Variants in BTRC observed in about 807,000 individuals in gnomAD.
The protein encoded by BTRC is F-box/WD repeat-containing protein 1A.
BTRC carries 42 observed loss-of-function variants against 85.5 expected under a neutral mutation model. That is an observed-to-expected ratio of 0.49 (90% CI 0.38 to 0.64). The LOEUF is 0.64. Ranked by LOEUF, BTRC falls within the 30% of genes least tolerant of loss-of-function variation. BTRC has a pLI of 0.00. For missense variants in BTRC, 594 were observed against 743.5 expected (o/e 0.80, Z 2.34); for synonymous variants, 255 against 263.3 (o/e 0.97, Z 0.30).
At position 101,430,339 on chromosome 10, in the gene BTRC, C is replaced by G. The variant is rs1161022457; in HGVS notation, c.49-6C>G. ...GTCCCATCTCATAGTTGTCCTCTCT[C>G]TGCAGTGCTCTATGCCCAGGTCTCT... On this transcript the variant is annotated splice_region_variant and splice_polypyrimidine_tract_variant and intron_variant, in intron 1 of 14. Coordinates refer to ENST00000370187, the MANE Select transcript of BTRC (RefSeq NM_033637.4). 1 of 1,609,322 alleles carries G rather than the reference C, an allele frequency of 6.2e-7. No homozygotes were observed.
intron 1 of BTRC, among the ~76,000 whole-genome samples, chr10:101,423,196 G>A (rs1405983177): frequency 6.6e-6 from 1 of 152,104 alleles, no homozygotes; most frequent in Non-Finnish European, 1.5e-5. Context: ...TTATACACAT[G>A]AGCCACCTTG....
intron 2 of BTRC, among the ~76,000 whole-genome samples, chr10:101,443,376 A>G (rs999555885): frequency 3.5e-4 from 53 of 152,296 alleles, no homozygotes; most frequent in African/African-American, 1.2e-3. Context: ...ACTGAGGACA[A>G]CTCAACATGA....
intron 2 of BTRC, among the ~76,000 whole-genome samples, chr10:101,449,757 G>T (rs4244343): frequency 0.97 from 147,492 of 152,146 alleles, 71,660 homozygotes; most frequent in East Asian, 1. Flanking sequence ...TTTGCCTTGC[G>T]TATTTCTCTA....
intron 1 of BTRC, among the ~76,000 whole-genome samples, chr10:101,402,200 G>T (rs1021267186): frequency 3.3e-5 from 5 of 152,050 alleles, no homozygotes; most frequent in Non-Finnish European, 7.3e-5. Context: ...ATGTGAGGAG[G>T]TTATGTTTTT....
chr10:101,482,393 C>CTTTTTTTTT (rs55978440), intron 4 of BTRC, among the ~76,000 whole-genome samples: 4 of 99,814 alleles, frequency 4.0e-5, no homozygotes, highest in Non-Finnish European at 8.3e-5. Context: ...TTGTTTGTTT[C>CTTTTTTTTT]TTTTTTTTTT....
intron 1 of BTRC, among the ~76,000 whole-genome samples, chr10:101,391,583 A>T (rs1297084737): frequency 3.3e-5 from 5 of 152,220 alleles, no homozygotes; most frequent in African/African-American, 1.2e-4. Flanking sequence ...GACTCTTTAT[A>T]AAAATGGCAA....
rs372408026 is a variant in BTRC, at chr10:101,550,834, C to T, written c.1792C>T (p.Arg598Ter). 13 of 1,613,884 alleles carry T rather than the reference C, an allele frequency of 8.1e-6. No individual in the cohort carries two copies. The highest frequency in any genetic ancestry group is 3.3e-5 in the Admixed American group (2 of 60,000). Residue 598 changes from arginine to a stop codon, truncating the protein, a stop_gained, in exon 14 of 15, where the codon CGA (arginine) becomes TGA (stop). Transcript: ENST00000370187. LOFTEE classifies it high-confidence loss of function. ...AGCTGAACCCCCCCGTTCCCCTTCTCGAACATACACCTACATCTCCAGATA... is the reference window on the plus strand; with the variant it reads ...AGCTGAACCCCCCCGTTCCCCTTCTTGAACATACACCTACATCTCCAGATA... ...AQAEPPRSPS[R>*]TYTYISR
chr10:101,404,031 T>TATATATATATA (rs1472677968), intron 1 of BTRC, among the ~76,000 whole-genome samples: 1 of 12,144 alleles, frequency 8.2e-5, no homozygotes, highest in African/African-American at 4.1e-4. Context: ...TATATATATA[T>TATATATATATA]TTTTTTTTTT....
At chr10:101,550,662 G>A (rs1290583300) in intron 13 of BTRC, 37 bp from the exon 14 acceptor site, 1 of 1,596,092 alleles carries the variant, frequency 6.3e-7, no homozygotes, top group South Asian at 1.1e-5. Flanking sequence ...ATTTTGAGTA[G>A]TTCAAGTTCC....
chr10:101,434,449 A>T (rs1209882140), intron 2 of BTRC, among the ~76,000 whole-genome samples: 1 of 152,220 alleles, frequency 6.6e-6, no homozygotes, highest in Non-Finnish European at 1.5e-5. Flanking sequence ...GAAATGGATC[A>T]TAGACCTAAA....
At chr10:101,470,920 A>G (rs1054612019) in intron 3 of BTRC, among the ~76,000 whole-genome samples, 5 of 152,278 alleles carry the variant, frequency 3.3e-5, no homozygotes, top group South Asian at 2.1e-4. Context: ...CCATTTAGTT[A>G]TATAAGAGTT....
At chr10:101,415,252 T>A (rs1261713860) in intron 1 of BTRC, among the ~76,000 whole-genome samples, 1 of 151,106 alleles carries the variant, frequency 6.6e-6, no homozygotes, top group East Asian at 1.9e-4. Flanking sequence ...CTCGGCTTAC[T>A]TCAGCCTCCA....
At chr10:101,499,357 G>A (rs905755368) in intron 4 of BTRC, among the ~76,000 whole-genome samples, 6 of 151,884 alleles carry the variant, frequency 4.0e-5, no homozygotes, top group African/African-American at 9.7e-5. Context: ...GTGAGTAGCC[G>A]GGATTATAGG....
At chr10:101,525,324 AT>A (rs1018753699) in intron 5 of BTRC, among the ~76,000 whole-genome samples, 23 of 151,902 alleles carry the variant, frequency 1.5e-4, no homozygotes, top group Admixed American at 7.2e-4. Flanking sequence ...TTGGTCTGGA[AT>A]TTTTTTTCAT....
At chr10:101,453,703 C>T (rs2134146556) in intron 2 of BTRC, 1 of 152,316 alleles carries the variant, frequency 6.6e-6, no homozygotes, top group South Asian at 2.1e-4. Context: ...AAGCCACTTA[C>T]TAGGTCATGG....
chr10:101,506,406 TG>T (rs771204419), intron 4 of BTRC, among the ~76,000 whole-genome samples: 9 of 152,194 alleles, frequency 5.9e-5, no homozygotes, highest in East Asian at 1.9e-4. Flanking sequence ...ATTTAGCTCA[TG>T]TTTTTTTGTA....
At chr10:101,510,258 C>T (rs1946666888) in intron 4 of BTRC, among the ~76,000 whole-genome samples, 1 of 151,804 alleles carries the variant, frequency 6.6e-6, no homozygotes, top group Admixed American at 6.6e-5. Flanking sequence ...CCTGTAATCC[C>T]AGCACTTTAG....
intron 1 of BTRC, among the ~76,000 whole-genome samples, chr10:101,415,403 T>C (rs1256214565): frequency 1.3e-5 from 2 of 151,722 alleles, no homozygotes; most frequent in Non-Finnish European, 2.9e-5. Flanking sequence ...CTTGAACTCC[T>C]GGACTCAAGG....
intron 3 of BTRC, among the ~76,000 whole-genome samples, chr10:101,475,775 T>A (rs904445635): frequency 7.3e-5 from 11 of 151,314 alleles, no homozygotes; most frequent in African/African-American, 2.2e-4. Context: ...CCAGTTAATG[T>A]GGAAGGAAAG....
Sources: gnomAD v4.1 joint callset for allele counts (sites outside exome capture counted in the v4.1 genomes callset) on GRCh38, gnomAD v4.1.1 for gene constraint, MANE v1.5 for transcripts, NCBI Gene and HGNC (gene_info 2026-07-23, HGNC 2026-07-21) for gene names.